The following SLC25A21 variants were observed in gnomAD, a reference collection of about 807,000 sequenced individuals.
SLC25A21 encodes solute carrier family 25 member 21.
A neutral mutation model predicts 43.8 loss-of-function variants in SLC25A21; 47 were observed. The observed-to-expected ratio is 1.07, with a 90% CI of 0.85 to 1.37. The LOEUF (loss-of-function observed/expected upper bound fraction) is 1.37, where lower values mean the gene tolerates loss of function less well. SLC25A21 is among the 40% of genes most tolerant of loss of function. The pLI is 0.00. For synonymous variants in SLC25A21, 131 were observed against 121.3 expected, an observed-to-expected ratio of 1.08 and a Z score of -0.52; for missense variants, 352 against 350.2, an observed-to-expected ratio of 1.00 and a Z score of -0.04.
At chr14:36,897,456 T>G (rs1891275759) in intron 1 of SLC25A21, among the ~76,000 whole-genome samples, 1 of 152,154 alleles carries the variant, frequency 6.6e-6, no homozygotes, top group East Asian at 1.9e-4. Flanking sequence ...TTTCAAGGTT[T>G]TTAACTTCTT....
In SLC25A21 at chr14:36,861,065, A is replaced by T. The variant is rs138688270; in HGVS notation, c.119+13891T>A. Among the ~76,000 whole-genome samples the T allele has an allele frequency of 4.9e-4, 75 of 152,256 alleles. 1 individual carries two copies. The highest frequency in any genetic ancestry group is 1.7e-3 in the African/African-American group (72 of 41,564). Reference sequence around the variant, plus strand: ...TCCAGCTCTATTTATCATCTTGCAAACTTCTTCATTATGTCAAAACTAAAT... The same window carrying T: ...TCCAGCTCTATTTATCATCTTGCAATCTTCTTCATTATGTCAAAACTAAAT... On this transcript the variant is annotated intron_variant, in intron 2 of 9. Coordinates refer to ENST00000331299, the MANE Select transcript of SLC25A21 (RefSeq NM_030631.4).
chr14:37,024,457 T>C (rs1961051543), intron 1 of SLC25A21, among the ~76,000 whole-genome samples: 1 of 152,026 alleles, frequency 6.6e-6, no homozygotes, highest in Non-Finnish European at 1.5e-5. Context: ...ATCTTCTTTA[T>C]ATACCAACGT....
intron 1 of SLC25A21, among the ~76,000 whole-genome samples, chr14:37,144,751 A>G (rs1295516788): frequency 6.6e-6 from 1 of 151,234 alleles, no homozygotes; most frequent in Non-Finnish European, 1.5e-5. Flanking sequence ...ATGTATTCAT[A>G]AGATGTGTCA....
chr14:36,775,079 A>T (rs1886775395), intron 3 of SLC25A21, among the ~76,000 whole-genome samples: 1 of 152,234 alleles, frequency 6.6e-6, no homozygotes, highest in Non-Finnish European at 1.5e-5. Context: ...ACTCATTCTT[A>T]TCTTCATGAG....
intron 7 of SLC25A21, among the ~76,000 whole-genome samples, chr14:36,689,746 G>C (rs911316490): frequency 6.6e-6 from 1 of 152,198 alleles, no homozygotes; most frequent in Non-Finnish European, 1.5e-5. Flanking sequence ...TTCCACCCCA[G>C]ACCAGTGAAT....
chr14:36,875,066 A>T (rs1183994941), intron 1 of SLC25A21, 62 bp from the exon 2 acceptor site: 6 of 1,414,360 alleles, frequency 4.2e-6, no homozygotes, highest in African/African-American at 4.2e-5. Flanking sequence ...TATTTCCTTG[A>T]TCCCGTCGAT....
intron 3 of SLC25A21, among the ~76,000 whole-genome samples, chr14:36,769,981 G>C (rs1433336204): frequency 6.6e-6 from 1 of 152,162 alleles, no homozygotes; most frequent in Non-Finnish European, 1.5e-5. Context: ...TGGTATCTTT[G>C]AGAGCGGCAG....
At chr14:36,985,115 A>G (rs1028934105) in intron 1 of SLC25A21, among the ~76,000 whole-genome samples, 2 of 150,718 alleles carry the variant, frequency 1.3e-5, no homozygotes, top group African/African-American at 2.4e-5. Flanking sequence ...TCATAGGTGG[A>G]AATTGAACAA....
intron 2 of SLC25A21, among the ~76,000 whole-genome samples, chr14:36,827,872 T>C (rs192452600): frequency 2.2e-4 from 33 of 152,348 alleles, no homozygotes; most frequent in Admixed American, 1.6e-3. Flanking sequence ...CAGTTGAAGA[T>C]ACCACAGTTT....
intron 6 of SLC25A21, among the ~76,000 whole-genome samples, chr14:36,724,561 A>G (rs751735577): frequency 1.3e-5 from 2 of 152,254 alleles, no homozygotes; most frequent in Non-Finnish European, 2.9e-5. Flanking sequence ...TGGAATGCCA[A>G]TCCCCTTGTT....
intron 1 of SLC25A21, among the ~76,000 whole-genome samples, chr14:36,880,048 T>C (rs1890666124): frequency 6.6e-6 from 1 of 152,158 alleles, no homozygotes; most frequent in Non-Finnish European, 1.5e-5. Context: ...TTTCTCTTAG[T>C]AGGCATCCCC....
chr14:36,680,556 T>G lies in SLC25A21; in HGVS notation c.*102A>C, dbSNP rs935400206. On this transcript the variant is annotated 3_prime_UTR_variant, in exon 10 of 10. Coordinates refer to ENST00000331299, the MANE Select transcript of SLC25A21 (RefSeq NM_030631.4). ...TAGATTTTGTTCTTGAACAGTTTTC[T>G]CCTTCATAATTATACACCTGGCCGA... The G allele has an allele frequency of 5.3e-5, 76 of 1,442,094 alleles. No individual in the cohort carries two copies. In the African/African-American group the frequency reaches 1.0e-3, roughly 19 times the overall value. The allele number at this position is 1,442,094 out of a possible 1,614,324, so 89.3% of individuals were successfully genotyped here. A position where few individuals can be genotyped will look rare whatever the true frequency, so the allele number is the denominator to read the frequency against.
At chr14:37,001,295 T>C (rs1364435488) in intron 1 of SLC25A21, among the ~76,000 whole-genome samples, 1 of 152,196 alleles carries the variant, frequency 6.6e-6, no homozygotes, top group Admixed American at 6.5e-5. Context: ...GCTTATTAAA[T>C]GCCAGGCCCT....
At chr14:36,940,693 C>T (rs767245179) in intron 1 of SLC25A21, among the ~76,000 whole-genome samples, 30 of 152,124 alleles carry the variant, frequency 2.0e-4, no homozygotes, top group Non-Finnish European at 4.0e-4. Context: ...GAATTCAACA[C>T]TGAAATCTTT....
chr14:37,156,131 C>T (rs1269868988), intron 1 of SLC25A21, among the ~76,000 whole-genome samples: 3 of 147,802 alleles, frequency 2.0e-5, no homozygotes, highest in African/African-American at 7.6e-5. Context: ...TGCACTCCGG[C>T]CTGGGTGACA....
chr14:37,027,987 C>T (rs959275844), intron 1 of SLC25A21, among the ~76,000 whole-genome samples: 4 of 152,122 alleles, frequency 2.6e-5, no homozygotes, highest in Admixed American at 1.3e-4. Flanking sequence ...ACATGATACA[C>T]AATTACATTA....
intron 2 of SLC25A21, among the ~76,000 whole-genome samples, chr14:36,849,691 A>G (rs564555753): frequency 1.3e-4 from 20 of 152,102 alleles, no homozygotes; most frequent in African/African-American, 4.6e-4. Context: ...AAGCTGTGCC[A>G]ATATTTGAGA....
At chr14:36,755,440 C>G (rs1338306795) in intron 3 of SLC25A21, among the ~76,000 whole-genome samples, 2 of 152,068 alleles carry the variant, frequency 1.3e-5, no homozygotes, top group Non-Finnish European at 2.9e-5. Flanking sequence ...GATTTTTTTC[C>G]TTCATCCCTG....
At chr14:36,744,521 A>G (rs567306447) in intron 3 of SLC25A21, among the ~76,000 whole-genome samples, 1 of 136,610 alleles carries the variant, frequency 7.3e-6, no homozygotes, top group Non-Finnish European at 1.6e-5. Flanking sequence ...ATCTCTCACC[A>G]TATACAAAAA....
Sources: gnomAD v4.1 joint callset for allele counts (sites outside exome capture counted in the v4.1 genomes callset) on GRCh38, gnomAD v4.1.1 for gene constraint, MANE v1.5 for transcripts, NCBI Gene and HGNC (gene_info 2026-07-23, HGNC 2026-07-21) for gene names.